SORBS3: variants seen among roughly 807,000 people sequenced by gnomAD.
The protein encoded by SORBS3 is vinexin.
A neutral mutation model predicts 98.0 loss-of-function variants in SORBS3; 69 were observed. The ratio of observed to expected loss-of-function variants is 0.70; its 90% CI spans 0.58 to 0.86. The LOEUF is 0.86. Among genes scored for constraint, SORBS3 ranks in the 40% least tolerant of loss-of-function variants. SORBS3 has a pLI of 0.00. For synonymous variants in SORBS3, 394 were observed against 355.4 expected, an observed-to-expected ratio of 1.11 and a Z score of -1.22; for missense variants, 954 against 908.5, an observed-to-expected ratio of 1.05 and a Z score of -0.64.
chr8:22,558,289 GGGGTTCTTCTCCA>G, intron 5 of SORBS3, 97 bp downstream of exon 5: 1 of 1,156,732 alleles, frequency 8.6e-7, no homozygotes, highest in South Asian at 1.2e-5. Flanking sequence ...AGCTGCTCAA[GGGGTTCTTCTCCA>G]CCTTCTCCCA....
chr8:22,552,941 C>G (rs899895974), intron 1 of SORBS3, among the ~76,000 whole-genome samples: 2 of 152,206 alleles, frequency 1.3e-5, no homozygotes, highest in Admixed American at 6.5e-5. Flanking sequence ...TCCACTCCCC[C>G]CAGTCAGGCA....
At chr8:22,570,049 TTTTTAACTG>T (rs1421669642) in intron 17 of SORBS3, among the ~76,000 whole-genome samples, 4 of 152,228 alleles carry the variant, frequency 2.6e-5, no homozygotes, top group African/African-American at 9.6e-5. Context: ...TATTAAAACA[TTTTTAACTG>T]TAGATTGTGG....
chr8:22,572,725 G>C (rs2469766), intron 20 of SORBS3, among the ~76,000 whole-genome samples: 110,567 of 152,144 alleles, frequency 0.73, 40,465 homozygotes, highest in East Asian at 0.92. Flanking sequence ...GGTTCCCAAC[G>C]TCCAGAGCTC....
chr8:22,566,886 C>A lies in SORBS3; in HGVS notation c.1190+18C>A. On this transcript the variant is annotated intron_variant, in intron 15 of 20. Transcript: ENST00000240123. ...TCCCCCAAGTAAGCGCCCTCCTCCCCCTCCCCTTCCACCCAAGGCAATCTC... is the reference window on the plus strand; with the variant it reads ...TCCCCCAAGTAAGCGCCCTCCTCCCACTCCCCTTCCACCCAAGGCAATCTC... The A allele has an allele frequency of 6.2e-7, 1 of 1,603,624 alleles. No homozygotes were observed. The highest frequency in any genetic ancestry group is 1.1e-5 in the South Asian group (1 of 89,774).
intron 3 of SORBS3, 53 bp from the exon 4 acceptor site, chr8:22,556,662 T>C: frequency 2.0e-6 from 3 of 1,527,436 alleles, no homozygotes; most frequent in Admixed American, 1.7e-5. Context: ...GACACACAGG[T>C]TCAGGTGGAG....
chr8:22,557,059 G>A (rs1469881184), intron 4 of SORBS3, 151 bp downstream of exon 4: 1 of 864,916 alleles, frequency 1.2e-6, no homozygotes, highest in Non-Finnish European at 1.8e-6. Context: ...GGGTTCAGCG[G>A]CTGTAAACCT....
intron 4 of SORBS3, among the ~76,000 whole-genome samples, chr8:22,557,232 G>A (rs190946616): frequency 4.6e-5 from 7 of 152,244 alleles, no homozygotes; most frequent in South Asian, 2.1e-4. Context: ...GGCCTGTCAC[G>A]ACGCTCATGA....
chr8:22,553,990 T>C (rs1451575490), intron 1 of SORBS3, among the ~76,000 whole-genome samples: 2 of 152,168 alleles, frequency 1.3e-5, no homozygotes, highest in Non-Finnish European at 2.9e-5. Context: ...AGTAATCCCT[T>C]GTGCCCGCAG....
intron 8 of SORBS3, 50 bp from the exon 9 acceptor site, chr8:22,564,233 G>A (rs1840355536): frequency 6.5e-7 from 1 of 1,533,598 alleles, no homozygotes; most frequent in African/African-American, 1.4e-5. Flanking sequence ...AGCCTGGCCA[G>A]TGTCCCAGTA....
intron 1 of SORBS3, 52 bp downstream of exon 1, chr8:22,552,074 C>A (rs1840093098): frequency 1.0e-6 from 1 of 985,028 alleles, no homozygotes; most frequent in Non-Finnish European, 1.2e-6. Context: ...CGGGAGGGAT[C>A]CGTGCCCAAC....
chr8:22,573,384 G>A (rs907245089), intron 20 of SORBS3: 1 of 456,294 alleles, frequency 2.2e-6, no homozygotes, highest in Non-Finnish European at 4.4e-6. Flanking sequence ...GGAGCCACAA[G>A]CGCTTTGAGA....
In SORBS3 at chr8:22,565,834, G is replaced by A. The variant is rs1229217445; in HGVS notation, c.912G>A (p.Pro304=). The change falls in exon 12 of 21, where the codon CCG becomes CCA. Residue 304 remains proline (P), a synonymous_variant. Transcript: ENST00000240123. ...ETRLPSPKSS[P]APRRAPEQRP... ...GCCGTTTCCCCGCGCAGAGCTCGCC[G>A]GCGCCCCGACGGGCCCCGGAGCAGC... 23 of 1,302,928 alleles carry A rather than the reference G, an allele frequency of 1.8e-5. No individual in the cohort carries two copies. Among genetic ancestry groups the A allele is most frequent in the Non-Finnish European group, 2.1e-5 (22 of 1,023,596 alleles). 80.7% of individuals were successfully genotyped at this position (1,302,928 alleles called of 1,614,324 possible).
intron 1 of SORBS3, among the ~76,000 whole-genome samples, chr8:22,545,761 G>A (rs1044601066): frequency 7.2e-5 from 11 of 152,222 alleles, no homozygotes; most frequent in South Asian, 2.1e-4. Flanking sequence ...CTCCCTTGAC[G>A]TAGATGTCTC....
upstream of SORBS3, among the ~76,000 whole-genome samples, chr8:22,550,334 T>C (rs977453347): frequency 6.6e-6 from 1 of 152,202 alleles, no homozygotes; most frequent in East Asian, 1.9e-4. Context: ...AGTGCAACAG[T>C]TGCCTTTACA....
chr8:22,547,442 C>T (rs552781848), upstream of SORBS3, among the ~76,000 whole-genome samples: 31 of 152,040 alleles, frequency 2.0e-4, 1 homozygote, highest in Admixed American at 1.6e-3. Flanking sequence ...GCTATTAAGG[C>T]GAAGGTTCAT....
At position 22,571,178 on chromosome 8, in the gene SORBS3, C is replaced by T. The variant is rs1323713452; in HGVS notation, c.1700C>T (p.Thr567Ile). ...DLGGQTSPRR[T>I]GFSFPTQEPR... Reference sequence around the variant, plus strand: ...GGGGGACAGACCTCCCCCCGTCGCACTGGCTTCTCCTTCCCCACCCAGGAG... The same window carrying T: ...GGGGGACAGACCTCCCCCCGTCGCATTGGCTTCTCCTTCCCCACCCAGGAG... The change falls in exon 18 of 21, where the codon ACT (threonine) becomes ATT (isoleucine). Residue 567 changes from threonine to isoleucine, a missense_variant. Transcript: ENST00000240123. 9 of 1,575,450 alleles carry T rather than the reference C, an allele frequency of 5.7e-6. No individual in the cohort carries two copies. The South Asian group carries it at 7.8e-5, about 14-fold the overall frequency.
intron 14 of SORBS3, 23 bp from the exon 15 acceptor site, chr8:22,566,799 A>G: frequency 6.2e-7 from 1 of 1,613,888 alleles, no homozygotes; most frequent in South Asian, 1.1e-5. Flanking sequence ...GAGAGAGCCC[A>G]CTCTGTCCTC....
chr8:22,565,210 C>G, intron 10 of SORBS3, 58 bp from the exon 11 acceptor site: 1 of 1,492,226 alleles, frequency 6.7e-7, no homozygotes, highest in Non-Finnish European at 9.1e-7. Flanking sequence ...TCTTTGACCG[C>G]TGCCTCCCAC....
Position 22,554,936 on chromosome 8 carries a change from G to A in SORBS3, c.176G>A (p.Cys59Tyr). 1 of 1,613,744 alleles carries A rather than the reference G, an allele frequency of 6.2e-7. No individual in the cohort carries two copies. The highest frequency in any genetic ancestry group is 1.3e-5 in the African/African-American group (1 of 75,058). The change falls in exon 3 of 21, where the codon TGC becomes TAC. Residue 59 changes from cysteine (C) to tyrosine (Y), a missense_variant. Cys to Tyr is a radical substitution (Grantham distance 194, BLOSUM62 -2). Coordinates refer to ENST00000240123, the MANE Select transcript of SORBS3 (RefSeq NM_005775.5). The surrounding 1 kb of genome is among the most constrained non-coding windows in gnomAD (Gnocchi z 6.5). ...QFHDPAPRTVCNGGYTPRRDA... is the reference protein window; with the variant it reads ...QFHDPAPRTVYNGGYTPRRDA... ...CACGACCCCGCGCCCAGGACTGTGT[G>A]CAATGGGGGCTACACACCAAGACGA... is the stretch of plus-strand genomic sequence containing the variant.
Sources: gnomAD v4.1 joint callset for allele counts (sites outside exome capture counted in the v4.1 genomes callset) on GRCh38, gnomAD v4.1.1 for gene constraint, Gnocchi (gnomAD v3.1) non-coding constraint, MANE v1.5 for transcripts, NCBI Gene and HGNC (gene_info 2026-07-23, HGNC 2026-07-21) for gene names.